The following MADD variants were observed in gnomAD, a reference collection of about 807,000 sequenced individuals.
The protein encoded by MADD is MAP kinase-activating death domain protein.
A neutral mutation model predicts 176.7 loss-of-function variants in MADD; 109 were observed. The observed-to-expected ratio is 0.62, with a 90% CI of 0.53 to 0.72. The LOEUF (loss-of-function observed/expected upper bound fraction) is 0.72, where lower values mean the gene tolerates loss of function less well. Ranked by LOEUF, MADD falls within the 30% of genes least tolerant of loss-of-function variation. MADD has a pLI of 0.00. For synonymous variants in MADD, 771 were observed against 771.3 expected (o/e 1.00, Z 0.01); for missense variants, 1,914 against 2,045.5 (o/e 0.94, Z 1.24).
chr11:47,303,762 C>T (rs1004149694), intron 22 of MADD, among the ~76,000 whole-genome samples: 4 of 151,916 alleles, frequency 2.6e-5, no homozygotes, highest in East Asian at 1.9e-4. Flanking sequence ...TGCACCACCA[C>T]GCTCGGCTAA....
chr11:47,287,660 T>C (rs1217246966), intron 15 of MADD, among the ~76,000 whole-genome samples: 1 of 152,160 alleles, frequency 6.6e-6, no homozygotes, highest in Non-Finnish European at 1.5e-5. Flanking sequence ...TCTGCCCACC[T>C]TGGCCTCCCA....
Position 47,283,095 on chromosome 11 carries a change from T to A in MADD, c.1862+126T>A, listed in dbSNP as rs977575779. 8 of 820,698 alleles carry A rather than the reference T, an allele frequency of 9.7e-6. No individual in the cohort carries two copies. The South Asian group carries it at 1.4e-4, about 15-fold the overall frequency. The allele number at this position is 820,698 out of a possible 1,614,324, so 50.8% of individuals were successfully genotyped here. On this transcript the variant is annotated intron_variant, in intron 10 of 32. Transcript: ENST00000402192. Reference sequence around the variant, plus strand: ...CAGTGTTTTTAATTTTATTTTATTTTATTTATTTATTTTTTTGAGACGGAG... The same window carrying A: ...CAGTGTTTTTAATTTTATTTTATTTAATTTATTTATTTTTTTGAGACGGAG...
chr11:47,326,651 G>T, intron 30 of MADD, 87 bp from the exon 35 acceptor site: 1 of 1,554,442 alleles, frequency 6.4e-7, no homozygotes, highest in Non-Finnish European at 8.7e-7. Flanking sequence ...TTCTTTGTGT[G>T]GGTGGGGCTG....
chr11:47,297,649 T>C (rs1344714430), intron 22 of MADD, among the ~76,000 whole-genome samples: 6 of 151,696 alleles, frequency 4.0e-5, no homozygotes, highest in African/African-American at 1.5e-4. Flanking sequence ...GGTTTCACCA[T>C]GTTAGCCAGG....
intron 31 of MADD, 97 bp from the exon 36 acceptor site, chr11:47,328,561 G>A: frequency 6.3e-7 from 1 of 1,575,218 alleles, no homozygotes; most frequent in Non-Finnish European, 8.6e-7. Context: ...CAGAGGGGAA[G>A]GGGACCCTGA....
intron 31 of MADD, chr11:47,328,119 G>C (rs1057307364): frequency 1.0e-6 from 1 of 1,003,336 alleles, no homozygotes; most frequent in Non-Finnish European, 1.2e-6. Context: ...GCCACATCCT[G>C]TGGGTTTATA....
intron 7 of MADD, among the ~76,000 whole-genome samples, chr11:47,281,093 G>A (rs972923459): frequency 5.3e-5 from 8 of 152,168 alleles, no homozygotes; most frequent in African/African-American, 1.7e-4. Context: ...TGCTGCTCTC[G>A]ACCAGTGGTC....
intron 27 of MADD, among the ~76,000 whole-genome samples, chr11:47,315,832 CTT>C (rs138135047): frequency 0.081 from 10,381 of 128,476 alleles, 329 homozygotes; most frequent in South Asian, 0.12. Flanking sequence ...ATACCCATTT[CTT>C]TTTTTTTTTT....
At chr11:47,306,144 C>T (rs1351669360) in intron 22 of MADD, among the ~76,000 whole-genome samples, 2 of 152,172 alleles carry the variant, frequency 1.3e-5, no homozygotes, top group Non-Finnish European at 2.9e-5. Context: ...GTACTGTTTT[C>T]ATAGTGGATA....
At chr11:47,295,909 T>C in exon 22 of MADD, 1 of 1,613,930 alleles carries the variant, frequency 6.2e-7, no homozygotes, top group Non-Finnish European at 8.5e-7. Context: ...GAGTAATAGC[T>C]CTGGAGAGAC....
chr11:47,271,258 T>C (rs1963083246), intron 1 of MADD: 1 of 152,054 alleles, frequency 6.6e-6, no homozygotes, highest in South Asian at 2.1e-4. Context: ...TTGTGGGTGA[T>C]GTTAGAGGAT....
chr11:47,313,550 T>C (rs1565518340), intron 26 of MADD, among the ~76,000 whole-genome samples: 1 of 151,588 alleles, frequency 6.6e-6, no homozygotes, highest in Admixed American at 6.6e-5. Flanking sequence ...GGTCTTGAAC[T>C]CCTGAGTTTA....
chr11:47,290,250 C>T, exon 18 of MADD: 1 of 1,614,126 alleles, frequency 6.2e-7, no homozygotes, highest in Non-Finnish European at 8.5e-7. Flanking sequence ...GTGGCATGGC[C>T]AGCATCTTTG....
At chr11:47,328,606 A>G in intron 31 of MADD, 52 bp from the exon 36 acceptor site, 1 of 1,613,208 alleles carries the variant, frequency 6.2e-7, no homozygotes, top group Non-Finnish European at 8.5e-7. Context: ...GCATGGCACG[A>G]TTGCTCTTAG....
At chr11:47,286,330 T>C (rs72903814) in intron 14 of MADD, 103 bp from the exon 15 acceptor site, 1 of 768,368 alleles carries the variant, frequency 1.3e-6, no homozygotes, top group Non-Finnish European at 2.3e-6. Flanking sequence ...CAAACTGGGA[T>C]TGTGTTTGAA....
At chr11:47,279,704 A>G (rs2054544606) in intron 7 of MADD, among the ~76,000 whole-genome samples, 2 of 151,830 alleles carry the variant, frequency 1.3e-5, no homozygotes, top group Non-Finnish European at 2.9e-5. Flanking sequence ...GTTAGGTGGA[A>G]GTTAGTAGTG....
exon 33 of MADD, chr11:47,329,434 T>C (rs1193869850): frequency 4.7e-6 from 2 of 425,134 alleles, no homozygotes; most frequent in Admixed American, 7.1e-5. Context: ...TTTTGTGTCC[T>C]TGAGACATTT....
exon 13 of MADD, chr11:47,285,138 G>C: frequency 6.2e-7 from 1 of 1,614,106 alleles, no homozygotes. Context: ...AGGAAGATGA[G>C]GATGAGCAGG....
At chr11:47,275,481 A>T (rs2048841438) in intron 3 of MADD, among the ~76,000 whole-genome samples, 1 of 152,088 alleles carries the variant, frequency 6.6e-6, no homozygotes, top group South Asian at 2.1e-4. Flanking sequence ...TGTAGAGACA[A>T]GGTTTCGCCA....
Sources: allele counts gnomAD v4.1 joint callset (sites outside exome capture counted in the v4.1 genomes callset), GRCh38; gene constraint gnomAD v4.1.1; transcripts MANE v1.5; gene names NCBI Gene and HGNC (gene_info 2026-07-23, HGNC 2026-07-21).